GNAS: variants seen among roughly 807,000 people sequenced by gnomAD.
The protein encoded by GNAS is GNAS complex locus.
GNAS carries 8 observed loss-of-function variants against 54.5 expected under a neutral mutation model. The ratio of observed to expected loss-of-function variants is 0.15; its 90% confidence interval spans 0.09 to 0.26. The LOEUF (loss-of-function observed/expected upper bound fraction) is 0.26, where lower values mean the gene tolerates loss of function less well. Ranked by LOEUF, GNAS falls within the 10% of genes least tolerant of loss-of-function variation. The pLI is 1.00. For missense variants in GNAS, 170 were observed against 529.8 expected, an observed-to-expected ratio of 0.32 and a Z score of 6.67; for synonymous variants, 204 against 191.4, an observed-to-expected ratio of 1.07 and a Z score of -0.54.
chr20:58,904,730 G>T (rs944144262), intron 5 of GNAS, among the ~76,000 whole-genome samples: 62 of 152,016 alleles, frequency 4.1e-4, no homozygotes, highest in African/African-American at 1.5e-3. Flanking sequence ...AGTTAGTATG[G>T]ATAGCTAAAC....
Position 58,898,945 on chromosome 20 carries a change from G to A in GNAS, c.217G>A (p.Gly73Ser), listed in dbSNP as rs587778380. The A allele has an allele frequency of 1.1e-5, 17 of 1,613,522 alleles. No homozygotes were observed. The highest frequency in any genetic ancestry group is 1.4e-5 in the Non-Finnish European group (16 of 1,179,598). Residue 73 changes from glycine to serine, a missense_variant, in exon 3 of 13, where the codon GGC becomes AGC. Physicochemically the swap from Gly to Ser is moderately conservative, Grantham distance 56. Around this residue, in one of 3 missense-constraint regions of GNAS, gnomAD observed 78 missense variants for 251.1 expected, o/e 0.31. Coordinates refer to ENST00000371085, the MANE Select transcript of GNAS (RefSeq NM_000516.7). Reference protein sequence around the residue: ...LHVNGFNGEGGEEDPQAARSN... With the variant: ...LHVNGFNGEGSEEDPQAARSN... ...CTTTCAATCTCTCTTTAAAAGGGGC[G>A]GCGAAGAGGACCCGCAGGCTGCAAG...
intron 1 of GNAS, among the ~76,000 whole-genome samples, chr20:58,860,840 T>G (rs2086745219): frequency 6.6e-6 from 1 of 152,190 alleles, no homozygotes; most frequent in African/African-American, 2.4e-5. Context: ...TTTTGTATTT[T>G]TAGTAGAGAT....
At chr20:58,871,700 AGAAG>A (rs1208296969) in intron 1 of GNAS, among the ~76,000 whole-genome samples, 2 of 145,352 alleles carry the variant, frequency 1.4e-5, no homozygotes, top group Non-Finnish European at 3.0e-5. Context: ...AAGGAAAGAG[AGAAG>A]GAAGGAAGAA....
At chr20:58,900,272 CCTA>C in intron 3 of GNAS, 1 of 459,882 alleles carries the variant, frequency 2.2e-6, no homozygotes, top group Non-Finnish European at 3.9e-6. Context: ...TAGTGAGCAA[CCTA>C]CTGTGTACTA....
At chr20:58,906,639 C>G (rs1327671109) in intron 6 of GNAS, among the ~76,000 whole-genome samples, 2 of 152,326 alleles carry the variant, frequency 1.3e-5, no homozygotes, top group Admixed American at 1.3e-4. Flanking sequence ...TCAAGTGATT[C>G]TCCTGCCTCA....
intron 1 of GNAS, among the ~76,000 whole-genome samples, chr20:58,858,497 A>G (rs1186796825): frequency 6.6e-6 from 1 of 152,164 alleles, no homozygotes; most frequent in Non-Finnish European, 1.5e-5. Flanking sequence ...GACTGTTTCC[A>G]TGTTTCTGTT....
chr20:58,904,786 GTATAA>G (rs1253368377), intron 5 of GNAS, among the ~76,000 whole-genome samples: 1 of 152,130 alleles, frequency 6.6e-6, no homozygotes, highest in Non-Finnish European at 1.5e-5. Flanking sequence ...AACACAATAT[GTATAA>G]TATAACCCAC....
intron 1 of GNAS, among the ~76,000 whole-genome samples, chr20:58,844,559 C>T (rs942110231): frequency 6.6e-6 from 1 of 152,204 alleles, no homozygotes; most frequent in African/African-American, 2.4e-5. Context: ...CAACACCCCT[C>T]TGCCTCAGTT....
chr20:58,894,360 C>T (rs766684476), intron 1 of GNAS, among the ~76,000 whole-genome samples: 2 of 152,144 alleles, frequency 1.3e-5, no homozygotes, highest in Non-Finnish European at 2.9e-5. Flanking sequence ...GAGTTAGGCT[C>T]ATTAAGATAG....
At chr20:58,899,891 G>T (rs910039661) in intron 3 of GNAS, 3 of 716,456 alleles carry the variant, frequency 4.2e-6, no homozygotes, top group African/African-American at 1.7e-5. Context: ...GAGGGGCAAA[G>T]ATATTGGGGT....
chr20:58,885,416 A>C (rs2088526288), intron 1 of GNAS, among the ~76,000 whole-genome samples: 1 of 152,258 alleles, frequency 6.6e-6, no homozygotes, highest in Non-Finnish European at 1.5e-5. Context: ...ATTCTGTTTG[A>C]ATTAGAGTAT....
chr20:58,859,703 T>G (rs887060110), intron 1 of GNAS, among the ~76,000 whole-genome samples: 5 of 151,878 alleles, frequency 3.3e-5, no homozygotes, highest in African/African-American at 1.2e-4. Flanking sequence ...TTTGGCTCAC[T>G]ACAACCTCTG....
Position 58,841,839 on chromosome 20 carries a change from A to G in GNAS, c.43+953A>G. 8.1e-7 allele frequency: 1 copy of G among 1,230,832 alleles called. No homozygotes were observed. The highest frequency in any genetic ancestry group is 1.0e-6 in the Non-Finnish European group (1 of 987,928). The allele number at this position is 1,230,832 out of a possible 1,614,324, so 76.2% of individuals were successfully genotyped here. ...AGACGTCCTGGGCTGTTTGCGCAGG[A>G]CCTCTGGAGGCCCTCGAGATCGTCG... On this transcript the variant is annotated intron_variant, in intron 1 of 12. Coordinates refer to the GNAS transcript ENST00000306090. This position sits in a 1 kb window ranked among gnomAD's most constrained non-coding sequence, Gnocchi z 5.0.
intron 1 of GNAS, among the ~76,000 whole-genome samples, chr20:58,844,754 C>T (rs1014389203): frequency 4.0e-5 from 6 of 151,656 alleles, no homozygotes; most frequent in Non-Finnish European, 5.9e-5. Context: ...CTAGGTATCG[C>T]GCCATTGCAC....
rs587778384 is a variant in GNAS, at chr20:58,854,803, C to T, written c.43+13917C>T. 40 of 1,583,538 alleles carry T rather than the reference C, an allele frequency of 2.5e-5. 1 individual carries two copies. In the Middle Eastern group the frequency reaches 5.0e-4, roughly 20 times the overall value. ...ACCCGGGCAGCCCAAGTCCGCCGGG[C>T]GGCCTCTGCAGCCCCTGCCTCCGGG... On this transcript the variant is annotated intron_variant, in intron 1 of 12. Coordinates refer to the GNAS transcript ENST00000306090.
chr20:58,901,575 A>AC (rs1555888019), intron 3 of GNAS, among the ~76,000 whole-genome samples: 1 of 109,262 alleles, frequency 9.2e-6, no homozygotes, highest in Non-Finnish European at 1.9e-5. Flanking sequence ...CACCCCAGAC[A>AC]CCCCCCACCA....
At chr20:58,903,494 G>A (rs1414721304) in intron 3 of GNAS, 37 bp from the exon 4 acceptor site, 5 of 1,541,540 alleles carry the variant, frequency 3.2e-6, no homozygotes, top group Middle Eastern at 1.7e-4. Flanking sequence ...CTGACATGGT[G>A]CAATATGATT....
intron 1 of GNAS, among the ~76,000 whole-genome samples, chr20:58,846,111 G>GA (rs556123520): frequency 1.3e-5 from 2 of 152,114 alleles, no homozygotes; most frequent in Non-Finnish European, 2.9e-5. Context: ...AGGGATCACA[G>GA]AAAAAAAGGA....
chr20:58,900,982 A>G (rs2090552002), intron 3 of GNAS, among the ~76,000 whole-genome samples: 2 of 152,250 alleles, frequency 1.3e-5, no homozygotes, highest in Admixed American at 6.5e-5. Context: ...AAGTTTTCCA[A>G]TTATCATACT....
Sources: gnomAD v4.1 joint callset for allele counts (sites outside exome capture counted in the v4.1 genomes callset) on GRCh38, gnomAD v4.1.1 for gene constraint, gnomAD v4.1.1 regional missense constraint, Gnocchi (gnomAD v3.1) non-coding constraint, MANE v1.5 for transcripts, NCBI Gene and HGNC (gene_info 2026-07-23, HGNC 2026-07-21) for gene names.